CALN1: variants seen among roughly 807,000 people sequenced by gnomAD.
CALN1 encodes calneuron 1.
Under a neutral mutation model 30.6 loss-of-function variants are expected in CALN1, and 17 were observed. That is an observed-to-expected ratio of 0.56 (90% CI 0.38 to 0.83). The LOEUF (loss-of-function observed/expected upper bound fraction) is 0.83. Ranked by LOEUF, CALN1 falls within the 40% of genes least tolerant of loss-of-function variation. CALN1 has a pLI of 0.00. For synonymous variants in CALN1, 156 were observed against 131.4 expected (o/e 1.19, Z -1.28); for missense variants, 291 against 354.9 (o/e 0.82, Z 1.45).
At chr7:71,931,717 A>AT (rs1482160345) in intron 5 of CALN1, among the ~76,000 whole-genome samples, 3 of 152,224 alleles carry the variant, frequency 2.0e-5, no homozygotes, top group Non-Finnish European at 4.4e-5. Context: ...AATCCCAGTC[A>AT]TAACTGTGGA....
intron 3 of CALN1, among the ~76,000 whole-genome samples, chr7:72,261,708 A>G (rs1214992747): frequency 3.3e-5 from 5 of 152,170 alleles, no homozygotes; most frequent in African/African-American, 4.8e-5. Flanking sequence ...GATTATAGGC[A>G]TGAATCACCA....
chr7:72,299,710 T>TA (rs1554358698), intron 2 of CALN1, among the ~76,000 whole-genome samples: 38,240 of 137,148 alleles, frequency 0.28, 6,342 homozygotes, highest in Non-Finnish European at 0.35. Flanking sequence ...TTTTTTTTTT[T>TA]AAAAAGAGAG....
At chr7:71,788,513 A>G (rs903824799) in intron 6 of CALN1, among the ~76,000 whole-genome samples, 4 of 145,022 alleles carry the variant, frequency 2.8e-5, no homozygotes, top group African/African-American at 1.0e-4. Flanking sequence ...TTTTTTAGAG[A>G]AAGTGTCTTG....
intron 5 of CALN1, among the ~76,000 whole-genome samples, chr7:71,914,507 C>A (rs1361992213): frequency 2.0e-5 from 3 of 152,126 alleles, no homozygotes; most frequent in African/African-American, 7.2e-5. Context: ...CTGCAGTGAA[C>A]ATATTCGTGC....
chr7:72,404,480 G>A (rs748159464), intron 1 of CALN1, among the ~76,000 whole-genome samples: 1 of 152,210 alleles, frequency 6.6e-6, no homozygotes, highest in South Asian at 2.1e-4. Context: ...AATGGAAGAC[G>A]TTGGTGATGA....
chr7:72,500,550 G>A, the CALN1 span, among the ~76,000 whole-genome samples: 1 of 151,724 alleles, frequency 6.6e-6, no homozygotes, highest in Admixed American at 6.6e-5. Context: ...AAAGTGCTGG[G>A]ATTACAGGCG....
At chr7:72,081,229 CAT>C (rs768469098) in intron 4 of CALN1, among the ~76,000 whole-genome samples, 34 of 151,986 alleles carry the variant, frequency 2.2e-4, no homozygotes, top group Non-Finnish European at 1.3e-4. Flanking sequence ...CCAAAAGAAA[CAT>C]AGTAGAAAGG....
the CALN1 span, among the ~76,000 whole-genome samples, chr7:72,478,838 G>A: frequency 2.0e-5 from 3 of 150,780 alleles, no homozygotes; most frequent in African/African-American, 4.9e-5. Flanking sequence ...AAAAACTAAG[G>A]TATTGATTGT....
intron 6 of CALN1, among the ~76,000 whole-genome samples, chr7:71,796,650 G>A (rs772366263): frequency 1.3e-5 from 2 of 152,030 alleles, no homozygotes; most frequent in African/African-American, 2.4e-5. Context: ...GAGCCACCGC[G>A]TCCAGCTTAT....
chr7:71,881,524 T>G (rs1199409653), intron 5 of CALN1, among the ~76,000 whole-genome samples: 1 of 152,194 alleles, frequency 6.6e-6, no homozygotes, highest in Non-Finnish European at 1.5e-5. Context: ...CTTCTCCCTC[T>G]TTGGGTTATC....
chr7:71,862,869 C>G (rs1226574233), intron 5 of CALN1, among the ~76,000 whole-genome samples: 1 of 152,170 alleles, frequency 6.6e-6, no homozygotes, highest in Non-Finnish European at 1.5e-5. Context: ...CCTCCAGTTC[C>G]AGCAAGTGGA....
intron 5 of CALN1, among the ~76,000 whole-genome samples, chr7:71,923,474 T>G (rs1179224748): frequency 1.3e-5 from 2 of 152,148 alleles, no homozygotes; most frequent in African/African-American, 4.8e-5. Context: ...TTAACCTCAA[T>G]AGTATGTCAT....
chr7:71,864,879 G>A (rs1427420208), intron 5 of CALN1, among the ~76,000 whole-genome samples: 4 of 151,982 alleles, frequency 2.6e-5, no homozygotes, highest in Admixed American at 1.3e-4. Flanking sequence ...GAACACACCT[G>A]GTAGTACTAG....
At chr7:72,427,080 T>A (rs972517544) in intron 1 of CALN1, among the ~76,000 whole-genome samples, 16 of 152,202 alleles carry the variant, frequency 1.1e-4, no homozygotes, top group African/African-American at 2.9e-4. Context: ...CTTTCTGGGA[T>A]CAAGTGATCC....
chr7:71,922,869 A>G (rs1562903513), intron 5 of CALN1, among the ~76,000 whole-genome samples: 1 of 126,538 alleles, frequency 7.9e-6, no homozygotes, highest in Non-Finnish European at 1.6e-5. Flanking sequence ...AATGTATATT[A>G]ATATATAAAC....
chr7:72,170,321 CTT>C lies in CALN1; in HGVS notation c.245-64029_245-64028del, dbSNP rs1472144075. Among the ~76,000 whole-genome samples the C allele has an allele frequency of 2.6e-5, 4 of 152,066 alleles. No individual in the cohort carries two copies. The East Asian group carries it at 7.7e-4, about 29-fold the overall frequency. On this transcript the variant is annotated intron_variant, in intron 3 of 6. Coordinates refer to ENST00000395275, the MANE Select transcript of CALN1 (RefSeq NM_031468.4). ...TTTTGCTGGCATTTAGTTCTACTCT[CTT>C]GTCTATTTATGGCCTTAATAACTCT...
At chr7:72,269,312 C>T (rs1483762187) in intron 3 of CALN1, among the ~76,000 whole-genome samples, 1 of 152,120 alleles carries the variant, frequency 6.6e-6, no homozygotes. Context: ...CACCCATTAA[C>T]TCGTCATTTA....
intron 3 of CALN1, among the ~76,000 whole-genome samples, chr7:72,211,638 T>G (rs983635502): frequency 1.3e-5 from 2 of 152,216 alleles, no homozygotes; most frequent in African/African-American, 4.8e-5. Context: ...ACATCACGAA[T>G]GTTCTATGAA....
At chr7:72,422,207 G>A (rs1291451235) in intron 1 of CALN1, among the ~76,000 whole-genome samples, 1 of 152,152 alleles carries the variant, frequency 6.6e-6, no homozygotes, top group East Asian at 1.9e-4. Context: ...TCTCCATACT[G>A]TTTTCCATAG....
Sources: allele counts gnomAD v4.1 joint callset (sites outside exome capture counted in the v4.1 genomes callset), GRCh38; gene constraint gnomAD v4.1.1; transcripts MANE v1.5; gene names NCBI Gene and HGNC (gene_info 2026-07-23, HGNC 2026-07-21).